Variants in CPVL observed in about 807,000 individuals in gnomAD.
CPVL encodes probable serine carboxypeptidase CPVL.
In CPVL, 51 loss-of-function variants were observed where a neutral mutation model predicts 63.7. The ratio of observed to expected loss-of-function variants is 0.80; its 90% CI spans 0.64 to 1.01. CPVL has a LOEUF of 1.01. CPVL is among the 50% of genes least tolerant of loss of function. The pLI is 0.00. For missense variants in CPVL, 530 were observed against 573.1 expected (o/e 0.92, Z 0.77); for synonymous variants, 195 against 206.0 (o/e 0.95, Z 0.46).
chr7:29,126,774 C>A (rs1026217185), intron 1 of CPVL: 4 of 152,264 alleles, frequency 2.6e-5, no homozygotes, highest in Non-Finnish European at 5.9e-5. Context: ...CACATTGGCT[C>A]ATGCCTGTAA....
At chr7:29,072,090 A>C (rs560553850) in intron 8 of CPVL, among the ~76,000 whole-genome samples, 186 bp from the exon 9 acceptor site, 12 of 152,200 alleles carry the variant, frequency 7.9e-5, no homozygotes, top group African/African-American at 2.6e-4. Context: ...ACACAATACA[A>C]ACACACACAC....
chr7:29,130,419 T>C (rs1790564767), intron 1 of CPVL, among the ~76,000 whole-genome samples: 2 of 152,204 alleles, frequency 1.3e-5, no homozygotes, highest in Admixed American at 1.3e-4. Context: ...ATTTTATCTG[T>C]CTATATTAAC....
chr7:29,010,272 T>C (rs532458267), intron 12 of CPVL: 72 of 152,244 alleles, frequency 4.7e-4, no homozygotes, highest in African/African-American at 1.7e-3. Flanking sequence ...AAATTTTTTT[T>C]TTGTTTTGTT....
chr7:29,109,800 CAAA>C (rs1200920544), intron 3 of CPVL, among the ~76,000 whole-genome samples: 1 of 152,144 alleles, frequency 6.6e-6, no homozygotes, highest in Non-Finnish European at 1.5e-5. Flanking sequence ...GTACTGGACT[CAAA>C]AGAACATAAC....
Position 29,158,642 on chromosome 7 carries a change from G to A in CPVL, c.-11+22648C>T, listed in dbSNP as rs1013086452. Among the ~76,000 whole-genome samples the A allele has an allele frequency of 6.6e-5, 10 of 152,268 alleles. 1 individual carries two copies. The highest frequency in any genetic ancestry group is 4.1e-4 in the South Asian group (2 of 4,826). On this transcript the variant is annotated intron_variant, in intron 5 of 16. Transcript: ENST00000409850. The stretch of plus-strand genomic sequence containing the variant: ...CTGTATGCCTGAATAGGTGAATTAT[G>A]CATTTCACCCAACTTTCTTTTATAA...
chr7:29,137,806 T>A (rs943414273), intron 1 of CPVL, among the ~76,000 whole-genome samples: 1 of 152,060 alleles, frequency 6.6e-6, no homozygotes, highest in African/African-American at 2.4e-5. Flanking sequence ...AAAAATTTGT[T>A]ATGCAGCAAT....
rs866557417 is a variant in CPVL, at chr7:29,146,450, C to T, written c.-32G>A. 13 of 1,353,866 alleles carry T rather than the reference C, an allele frequency of 9.6e-6. No homozygotes were observed. The highest frequency in any genetic ancestry group is 1.1e-5 in the Non-Finnish European group (11 of 1,019,740). The allele number at this position is 1,353,866 out of a possible 1,614,324, so 83.9% of individuals were successfully genotyped here. On this transcript the variant is annotated 5_prime_UTR_variant, in exon 1 of 13. Coordinates refer to ENST00000265394, the MANE Select transcript of CPVL (RefSeq NM_031311.5). ...TTACGCGGCGCAGTCGGTGCTCCTC[C>T]CTGAGCCGCGGCGCGCAAGGACCCC...
intron 1 of CPVL, chr7:29,194,391 C>G (rs1205259461): frequency 1.3e-5 from 2 of 152,506 alleles, no homozygotes; most frequent in Non-Finnish European, 2.9e-5. Context: ...CGAACCACCC[C>G]CCGAGCGACC....
chr7:29,071,514 G>A (rs974242263), intron 9 of CPVL, among the ~76,000 whole-genome samples: 1 of 152,082 alleles, frequency 6.6e-6, no homozygotes, highest in Non-Finnish European at 1.5e-5. Flanking sequence ...AAATCAAAAC[G>A]GTTAATGAAA....
Position 29,158,080 on chromosome 7 carries a change from C to G in CPVL, c.-11+23210G>C, listed in dbSNP as rs542591607. Among the ~76,000 whole-genome samples, 57 of 152,244 alleles carry G rather than the reference C, an allele frequency of 3.7e-4. 1 individual carries two copies. Among genetic ancestry groups the G allele is most frequent in the African/African-American group, 1.4e-3 (57 of 41,556 alleles). ...TAAAGGAGAAAAAAGACACAATGAG[C>G]TCATCACTCCTCCAAATTCCCATCT... is the stretch of plus-strand genomic sequence containing the variant. On this transcript the variant is annotated intron_variant, in intron 5 of 16. Coordinates refer to the CPVL transcript ENST00000409850.
At position 29,092,612 on chromosome 7, in the gene CPVL, G is replaced by C. The variant is rs377546602; in HGVS notation, c.542+11C>G. ...TCTTAGGAAAGCCAAGAGAAAGCAGGAGCATTTTACCTGTATAAATCCCGT... is the reference window on the plus strand; with the variant it reads ...TCTTAGGAAAGCCAAGAGAAAGCAGCAGCATTTTACCTGTATAAATCCCGT... On this transcript the variant is annotated intron_variant, in intron 6 of 12. Coordinates refer to ENST00000265394, the MANE Select transcript of CPVL (RefSeq NM_031311.5). The C allele has an allele frequency of 9.0e-5, 143 of 1,597,620 alleles. No homozygotes were observed. Among genetic ancestry groups the C allele is most frequent in the Non-Finnish European group, 1.2e-4 (141 of 1,165,362 alleles).
chr7:29,082,941 T>C (rs573837784), intron 7 of CPVL, among the ~76,000 whole-genome samples: 38 of 152,280 alleles, frequency 2.5e-4, no homozygotes, highest in African/African-American at 9.1e-4. Flanking sequence ...AGGTGGAGAA[T>C]GGGCATTTTC....
At chr7:29,068,849 T>C (rs750185510) in intron 9 of CPVL, among the ~76,000 whole-genome samples, 29 of 151,512 alleles carry the variant, frequency 1.9e-4, no homozygotes, top group Non-Finnish European at 3.2e-4. Context: ...CGCCCGCCAC[T>C]ACGCCCGGCT....
chr7:29,005,625 A>C (rs1035897328), intron 12 of CPVL, among the ~76,000 whole-genome samples: 6 of 152,260 alleles, frequency 3.9e-5, no homozygotes, highest in Non-Finnish European at 8.8e-5. Context: ...CTTTCACCAC[A>C]TGCAATGCCA....
intron 5 of CPVL, among the ~76,000 whole-genome samples, chr7:29,155,306 AAAAT>A (rs1210285069): frequency 6.6e-6 from 1 of 152,214 alleles, no homozygotes; most frequent in Non-Finnish European, 1.5e-5. Context: ...GCCATTATCA[AAAAT>A]AAATAAATAG....
chr7:29,026,429 A>G (rs1290645964), intron 12 of CPVL, among the ~76,000 whole-genome samples: 1 of 152,084 alleles, frequency 6.6e-6, no homozygotes, highest in Non-Finnish European at 1.5e-5. Flanking sequence ...AGCAAGAACA[A>G]ACCAAACCCA....
At chr7:29,136,410 T>C (rs7809599) in intron 1 of CPVL, among the ~76,000 whole-genome samples, 4,077 of 152,254 alleles carry the variant, frequency 0.027, 147 homozygotes, top group African/African-American at 0.089. Context: ...TAGATATTGA[T>C]TTGGCAAAAG....
chr7:29,024,426 C>T (rs1787296378), intron 12 of CPVL, among the ~76,000 whole-genome samples: 2 of 152,138 alleles, frequency 1.3e-5, no homozygotes, highest in African/African-American at 4.8e-5. Flanking sequence ...AGAAAGCTTA[C>T]TTAATGACAT....
chr7:29,091,780 C>G (rs552000200), intron 6 of CPVL, among the ~76,000 whole-genome samples: 17 of 152,258 alleles, frequency 1.1e-4, no homozygotes, highest in South Asian at 2.1e-4. Flanking sequence ...TCTCTCCCCC[C>G]GGCCACCTAT....
Sources: allele counts gnomAD v4.1 joint callset (sites outside exome capture counted in the v4.1 genomes callset), GRCh38; gene constraint gnomAD v4.1.1; transcripts MANE v1.5; gene names NCBI Gene and HGNC (gene_info 2026-07-23, HGNC 2026-07-21).